DNAH6: variants seen among roughly 807,000 people sequenced by gnomAD.
DNAH6 encodes axonemal beta dynein heavy chain 6.
DNAH6 carries 340 observed loss-of-function variants against 491.4 expected under a neutral mutation model. The ratio of observed to expected loss-of-function variants is 0.69; its 90% CI spans 0.63 to 0.76. The LOEUF (loss-of-function observed/expected upper bound fraction) is 0.76, where lower values mean the gene tolerates loss of function less well. DNAH6 is among the 30% of genes least tolerant of loss of function. The probability of loss-of-function intolerance (pLI) is 0.00; values close to 1 mark genes in which losing one functional copy is unlikely to be tolerated. For synonymous variants in DNAH6, 1,603 were observed against 1,686.1 expected (o/e 0.95, Z 1.21); for missense variants, 4,443 against 4,972.2 (o/e 0.89, Z 3.20).
chr2:84,460,789 G>T, the DNAH6 span, among the ~76,000 whole-genome samples: 3 of 152,160 alleles, frequency 2.0e-5, no homozygotes, highest in African/African-American at 2.4e-5. Context: ...TCTCACTAAC[G>T]CAGGCCTCCA....
At chr2:84,543,967 A>C (rs965533223) in intron 4 of DNAH6, among the ~76,000 whole-genome samples, 3 of 152,126 alleles carry the variant, frequency 2.0e-5, no homozygotes, top group Admixed American at 2.0e-4. Flanking sequence ...ATTTATAGTC[A>C]ATTCATTTTA....
At chr2:84,585,991 A>G (rs754577910) in intron 15 of DNAH6, among the ~76,000 whole-genome samples, 11 of 152,132 alleles carry the variant, frequency 7.2e-5, no homozygotes, top group Non-Finnish European at 1.3e-4. Flanking sequence ...TCAGGAATCT[A>G]TCTGCCTCCT....
chr2:84,619,969 C>A, intron 24 of DNAH6, 65 bp downstream of exon 24: 1 of 1,342,356 alleles, frequency 7.4e-7, no homozygotes, highest in Non-Finnish European at 1.0e-6. Flanking sequence ...GTTATTCTCA[C>A]TCTAAGCATA....
Position 84,659,203 on chromosome 2 carries a change from A to G in DNAH6, c.6084+34A>G, listed in dbSNP as rs745444367. ...CAAATAAATTATATTTTAACATAATAATTCTGAATTATTTAAATTTTAAGA... is the reference window on the plus strand; with the variant it reads ...CAAATAAATTATATTTTAACATAATGATTCTGAATTATTTAAATTTTAAGA... On this transcript the variant is annotated intron_variant, in intron 37 of 76. Coordinates refer to ENST00000389394, the MANE Select transcript of DNAH6 (RefSeq NM_001370.2). 3 of 1,148,976 alleles carry G rather than the reference A, an allele frequency of 2.6e-6. No homozygotes were observed. The South Asian group carries it at 6.7e-5, about 26-fold the overall frequency. 71.2% of individuals were successfully genotyped at this position (1,148,976 alleles called of 1,614,324 possible).
At chr2:84,493,964 A>T in the DNAH6 span, among the ~76,000 whole-genome samples, 4 of 152,316 alleles carry the variant, frequency 2.6e-5, no homozygotes, top group South Asian at 6.2e-4. Context: ...AGCACGAGGA[A>T]CTAAGGCCAC....
intron 11 of DNAH6, among the ~76,000 whole-genome samples, chr2:84,561,325 G>A (rs1458077841): frequency 6.6e-6 from 1 of 152,122 alleles, no homozygotes; most frequent in African/African-American, 2.4e-5. Flanking sequence ...TGGGAAAACT[G>A]GCTAGCCATA....
intron 58 of DNAH6, 81 bp downstream of exon 58, chr2:84,715,708 C>A: frequency 7.4e-7 from 1 of 1,343,650 alleles, no homozygotes; most frequent in Non-Finnish European, 1.0e-6. Context: ...TTGACAAAGA[C>A]AATGTTCTGC....
chr2:84,688,523 G>T lies in DNAH6; in HGVS notation c.7222G>T (p.Asp2408Tyr). Residue 2408 changes from aspartate to tyrosine, a missense_variant, in exon 45 of 77, where the codon GAT becomes TAT. Around this residue, in one of 3 missense-constraint regions of DNAH6, gnomAD observed 2,977 missense variants for 3,296.6 expected, o/e 0.90. Coordinates refer to ENST00000389394, the MANE Select transcript of DNAH6 (RefSeq NM_001370.2). ...AAATGTTCTACAGGACTATCTTGAT[G>T]ATTATAATCTCACAAATCCCAAAGA... The part of the protein sequence containing the change: ...TANVLQDYLD[D>Y]YNLTNPKEVK... The T allele has an allele frequency of 1.9e-6, 3 of 1,543,268 alleles. No individual in the cohort carries two copies. The highest frequency in any genetic ancestry group is 2.6e-6 in the Non-Finnish European group (3 of 1,145,230).
At chr2:84,795,166 G>C in intron 68 of DNAH6, among the ~76,000 whole-genome samples, 1 of 116,204 alleles carries the variant, frequency 8.6e-6, no homozygotes, top group Non-Finnish European at 1.7e-5. Flanking sequence ...CATCACTGTT[G>C]TGGGGTGGGG....
chr2:84,640,128 C>T (rs7572042), intron 31 of DNAH6, among the ~76,000 whole-genome samples: 21,351 of 152,136 alleles, frequency 0.14, 2,427 homozygotes, highest in African/African-American at 0.31. Context: ...CCAACTTTCA[C>T]GATGGGAACA....
chr2:84,726,082 C>T (rs1366290731), intron 60 of DNAH6, among the ~76,000 whole-genome samples: 6 of 152,148 alleles, frequency 3.9e-5, no homozygotes, highest in Non-Finnish European at 5.9e-5. Flanking sequence ...GGCCCCTTTA[C>T]CTTTGCGCTC....
At chr2:84,791,899 A>G (rs1488492059) in intron 68 of DNAH6, among the ~76,000 whole-genome samples, 1 of 151,634 alleles carries the variant, frequency 6.6e-6, no homozygotes, top group Non-Finnish European at 1.5e-5. Context: ...CTGGATATCA[A>G]AGATGACATA....
intron 68 of DNAH6, among the ~76,000 whole-genome samples, chr2:84,788,655 A>T (rs904637464): frequency 4.6e-5 from 7 of 152,182 alleles, no homozygotes; most frequent in South Asian, 2.1e-4. Flanking sequence ...TAGCTTTATC[A>T]CATTTTTTGT....
intron 4 of DNAH6, among the ~76,000 whole-genome samples, chr2:84,535,235 CATTT>C (rs1434048304): frequency 1.3e-5 from 2 of 151,668 alleles, no homozygotes; most frequent in Non-Finnish European, 2.9e-5. Flanking sequence ...TCTTTTTGCT[CATTT>C]ATAAGGAAAA....
In DNAH6 at chr2:84,705,633, G is replaced by A. The variant is rs1696354562; in HGVS notation, c.8613G>A (p.Val2871=). ...INNPDFVPEK[V]EKVSKACKSM... is the part of the protein sequence containing the mutation. Reference sequence around the variant, plus strand: ...ATCCTGATTTTGTGCCTGAAAAAGTGGAGAAAGTGTCCAAAGCATGTAAAT... The same window carrying A: ...ATCCTGATTTTGTGCCTGAAAAAGTAGAGAAAGTGTCCAAAGCATGTAAAT... Residue 2871 remains valine, a synonymous_variant, in exon 52 of 77, where the codon GTG becomes GTA. Coordinates refer to ENST00000389394, the MANE Select transcript of DNAH6 (RefSeq NM_001370.2). 6.4e-7 allele frequency: 1 copy of A among 1,551,566 alleles called. No homozygotes were observed. Among genetic ancestry groups the A allele is most frequent in the Non-Finnish European group, 8.7e-7 (1 of 1,146,968 alleles).
At chr2:84,783,878 A>G (rs1451465236) in intron 65 of DNAH6, among the ~76,000 whole-genome samples, 1 of 152,178 alleles carries the variant, frequency 6.6e-6, no homozygotes, top group Non-Finnish European at 1.5e-5. Flanking sequence ...TTGAGATGGG[A>G]TGTGAGTAGG....
intron 45 of DNAH6, among the ~76,000 whole-genome samples, chr2:84,693,672 G>A (rs1365326559): frequency 6.7e-6 from 1 of 149,538 alleles, no homozygotes; most frequent in African/African-American, 2.5e-5. Context: ...GGAGGCGGAG[G>A]TTGCAGCGAG....
the DNAH6 span, among the ~76,000 whole-genome samples, chr2:84,511,173 G>C: frequency 6.6e-6 from 1 of 152,192 alleles, no homozygotes; most frequent in African/African-American, 2.4e-5. Flanking sequence ...CCCCAGAGGT[G>C]GAGTCTACAG....
At chr2:84,711,685 AGCAACCTTG>A (rs1009806678) in intron 56 of DNAH6, among the ~76,000 whole-genome samples, 20 of 152,334 alleles carry the variant, frequency 1.3e-4, no homozygotes, top group African/African-American at 4.6e-4. Flanking sequence ...AAACTATCCA[AGCAACCTTG>A]CCTGCCTAGG....
Sources: allele counts gnomAD v4.1 joint callset (sites outside exome capture counted in the v4.1 genomes callset), GRCh38; gene constraint gnomAD v4.1.1; regional missense constraint gnomAD v4.1.1; transcripts MANE v1.5; gene names NCBI Gene and HGNC (gene_info 2026-07-23, HGNC 2026-07-21).